COL4A6: variants seen among roughly 807,000 people sequenced by gnomAD.
COL4A6 encodes collagen alpha-6(IV) chain.
A neutral mutation model predicts 126.7 loss-of-function variants in COL4A6; 59 were observed. The ratio of observed to expected loss-of-function variants is 0.47; its 90% CI spans 0.38 to 0.58. COL4A6 has a LOEUF of 0.58. COL4A6 is among the 20% of genes least tolerant of loss of function. The pLI is 0.00. For missense variants in COL4A6, 1,285 were observed against 1,337.3 expected (o/e 0.96, Z 0.61); for synonymous variants, 547 against 496.6 (o/e 1.10, Z -1.35).
At chrX:108,362,082 A>T (rs916972348) in intron 2 of COL4A6, among the ~76,000 whole-genome samples, 39 of 109,383 alleles carry the variant, frequency 3.6e-4, no homozygotes, top group African/African-American at 5.4e-4. Flanking sequence ...TGTGTGTGTG[A>T]GAGAGAGAAA....
At chrX:108,204,539 G>A (rs1253933289) in intron 11 of COL4A6, 127 bp from the exon 12 acceptor site, 1 of 601,284 alleles carries the variant, frequency 1.7e-6, no homozygotes, top group South Asian at 2.2e-5. Context: ...TCACCCTCAT[G>A]CCAATGAGGA....
At chrX:108,219,828 T>A in intron 4 of COL4A6, 86 bp from the exon 5 acceptor site, 1 of 803,518 alleles carries the variant, frequency 1.2e-6, no homozygotes. Context: ...GTCAATGGCC[T>A]ACATTTTTAA....
chrX:108,386,547 C>T (rs1053825159), intron 2 of COL4A6, among the ~76,000 whole-genome samples: 7 of 111,864 alleles, frequency 6.3e-5, no homozygotes, highest in African/African-American at 2.3e-4. Flanking sequence ...TCATATCGTT[C>T]GCCCACGTTT....
chrX:108,233,575 A>G (rs1384657607), intron 3 of COL4A6, among the ~76,000 whole-genome samples: 1 of 112,131 alleles, frequency 8.9e-6, no homozygotes, highest in Non-Finnish European at 1.9e-5. Flanking sequence ...ATTTACTTAC[A>G]TAGTTTCAGT....
At chrX:108,231,076 TCTAC>T (rs1378913360) in intron 3 of COL4A6, among the ~76,000 whole-genome samples, 1 of 98,595 alleles carries the variant, frequency 1.0e-5, no homozygotes, top group Admixed American at 1.1e-4. Context: ...ACCCTTTCCA[TCTAC>T]ATACATACAT....
At chrX:108,383,928 T>C in intron 2 of COL4A6, 1 of 770,958 alleles carries the variant, frequency 1.3e-6, no homozygotes, top group Non-Finnish European at 1.9e-6. Context: ...ATGTGATAAA[T>C]CTATTCTGGC....
intron 23 of COL4A6, chrX:108,183,818 C>T: frequency 1.2e-6 from 1 of 833,321 alleles, no homozygotes; most frequent in Non-Finnish European, 1.5e-6. Context: ...GACAGAAGTT[C>T]CTTGGGGCCC....
chrX:108,215,220 A>G (rs183029778), intron 5 of COL4A6, among the ~76,000 whole-genome samples: 5 of 112,543 alleles, frequency 4.4e-5, no homozygotes, highest in African/African-American at 1.6e-4. Flanking sequence ...AATATTCTAT[A>G]GAATTCTGTT....
intron 3 of COL4A6, among the ~76,000 whole-genome samples, chrX:108,281,784 G>T (rs941658114): frequency 6.4e-5 from 7 of 110,123 alleles, no homozygotes; most frequent in African/African-American, 2.3e-4. Context: ...CATGGCACTG[G>T]TACCAAAACA....
intron 2 of COL4A6, among the ~76,000 whole-genome samples, chrX:108,321,358 T>G (rs2039023683): frequency 9.0e-6 from 1 of 111,367 alleles, no homozygotes; most frequent in Admixed American, 9.6e-5. Flanking sequence ...TGTTTTTTGT[T>G]TTTGTTGTTG....
At chrX:108,388,066 C>A in intron 2 of COL4A6, among the ~76,000 whole-genome samples, 1 of 111,928 alleles carries the variant, frequency 8.9e-6, no homozygotes, top group Non-Finnish European at 1.9e-5. Context: ...AGGATGAAGC[C>A]AACTTGATCG....
At chrX:108,269,451 C>A (rs933385265) in intron 3 of COL4A6, among the ~76,000 whole-genome samples, 3 of 111,531 alleles carry the variant, frequency 2.7e-5, no homozygotes, top group Non-Finnish European at 5.6e-5. Context: ...CTTGAGATCT[C>A]AGAGATACTA....
At chrX:108,330,520 G>A (rs1458923950) in intron 2 of COL4A6, among the ~76,000 whole-genome samples, 3 of 111,350 alleles carry the variant, frequency 2.7e-5, no homozygotes, top group Non-Finnish European at 5.7e-5. Flanking sequence ...ACCCAGGGCT[G>A]GCCTTTTAAA....
At chrX:108,286,472 C>T (rs763921339) in intron 3 of COL4A6, among the ~76,000 whole-genome samples, 1 of 112,131 alleles carries the variant, frequency 8.9e-6, no homozygotes, top group South Asian at 3.8e-4. Flanking sequence ...AGGCACATAG[C>T]CACCCAGAAT....
At chrX:108,235,854 A>G (rs1406401566) in intron 3 of COL4A6, among the ~76,000 whole-genome samples, 2 of 110,306 alleles carry the variant, frequency 1.8e-5, no homozygotes, top group Middle Eastern at 4.3e-3. Context: ...AGGAGGGGGG[A>G]AGTGGCAGTC....
intron 3 of COL4A6, among the ~76,000 whole-genome samples, chrX:108,266,363 T>C (rs1440187187): frequency 9.0e-6 from 1 of 111,596 alleles, no homozygotes; most frequent in Non-Finnish European, 1.9e-5. Context: ...AGAATGGAGC[T>C]AGTAATGCTT....
At chrX:108,216,967 T>C (rs1412902338) in intron 5 of COL4A6, among the ~76,000 whole-genome samples, 1 of 112,642 alleles carries the variant, frequency 8.9e-6, no homozygotes, top group Non-Finnish European at 1.9e-5. Flanking sequence ...AAACATTTGA[T>C]AAACACACAT....
intron 3 of COL4A6, among the ~76,000 whole-genome samples, chrX:108,269,716 T>C (rs2037399714): frequency 8.9e-6 from 1 of 112,232 alleles, no homozygotes; most frequent in African/African-American, 3.2e-5. Context: ...TATTTTGGTG[T>C]TTGAGGCCAT....
intron 2 of COL4A6, among the ~76,000 whole-genome samples, chrX:108,331,846 A>G (rs1182691976): frequency 1.8e-5 from 2 of 111,101 alleles, no homozygotes; most frequent in Non-Finnish European, 3.8e-5. Flanking sequence ...CACAAAGTCT[A>G]CTGATTTATT....
Sources: allele counts gnomAD v4.1 joint callset (sites outside exome capture counted in the v4.1 genomes callset), GRCh38; gene constraint gnomAD v4.1.1; transcripts MANE v1.5; gene names NCBI Gene and HGNC (gene_info 2026-07-23, HGNC 2026-07-21).